NUP205: variants seen among roughly 807,000 people sequenced by gnomAD.
NUP205 encodes nuclear pore complex protein Nup205.
Under a neutral mutation model 253.8 loss-of-function variants are expected in NUP205, and 76 were observed. The ratio of observed to expected loss-of-function variants is 0.30; its 90% confidence interval spans 0.25 to 0.36. The LOEUF (loss-of-function observed/expected upper bound fraction) is 0.36, where lower values mean the gene tolerates loss of function less well. Ranked by LOEUF, NUP205 falls within the 10% of genes least tolerant of loss-of-function variation. NUP205 has a pLI of 1.00. For missense variants in NUP205, 2,162 were observed against 2,425.5 expected (o/e 0.89, Z 2.28); for synonymous variants, 832 against 850.1 (o/e 0.98, Z 0.37).
At chr7:135,646,285 G>A (rs1795008214) in intron 42 of NUP205, 54 bp downstream of exon 42, 4 of 1,237,236 alleles carry the variant, frequency 3.2e-6, no homozygotes, top group East Asian at 4.7e-5. Context: ...TAAAAGGGCT[G>A]GGTGTGATGG....
intron 1 of NUP205, among the ~76,000 whole-genome samples, chr7:135,558,810 T>A (rs1161162698): frequency 6.6e-6 from 1 of 152,238 alleles, no homozygotes; most frequent in Non-Finnish European, 1.5e-5. Flanking sequence ...ATTGAGATGC[T>A]CTGAAGTTCG....
At position 135,618,559 on chromosome 7, in the gene NUP205, C is replaced by A; in HGVS notation, c.3919C>A (p.Arg1307=). The A allele has an allele frequency of 6.2e-7, 1 of 1,611,650 alleles. No individual in the cohort carries two copies. The highest frequency in any genetic ancestry group is 8.5e-7 in the Non-Finnish European group (1 of 1,178,898). ...CPQDLIQAED[R]QLIIRDILQD... ...CCAGGACCTCATTCAGGCAGAGGAT[C>A]GACAACTGATTATTCGTGATATTTT... The change falls in exon 28 of 43, where the codon CGA becomes AGA. Residue 1307 remains arginine, a synonymous_variant. Coordinates refer to ENST00000285968, the MANE Select transcript of NUP205 (RefSeq NM_015135.3).
rs1470041059 is a variant in NUP205, at chr7:135,648,615, T to A, written c.*59T>A. The A allele has an allele frequency of 3.9e-6, 5 of 1,293,746 alleles. No homozygotes were observed. The highest frequency in any genetic ancestry group is 5.1e-6 in the Non-Finnish European group (5 of 985,714). The allele number at this position is 1,293,746 out of a possible 1,614,324, so 80.1% of individuals were successfully genotyped here. A position where few individuals can be genotyped will look rare whatever the true frequency, so the allele number is the denominator to read the frequency against. On this transcript the variant is annotated 3_prime_UTR_variant, in exon 43 of 43. Transcript: ENST00000285968. ...GAATTGGGGAGAATTGTCTCCATTTTATAGATTAGTTTCTTTCTAAATTAT... is the reference window on the plus strand; with the variant it reads ...GAATTGGGGAGAATTGTCTCCATTTAATAGATTAGTTTCTTTCTAAATTAT...
At chr7:135,562,517 T>C (rs1805614141) in intron 1 of NUP205, among the ~76,000 whole-genome samples, 1 of 150,982 alleles carries the variant, frequency 6.6e-6, no homozygotes, top group Admixed American at 6.6e-5. Context: ...TTCATTTGGC[T>C]TGATCTTTTA....
At chr7:135,582,762 TA>T (rs201662680) in intron 7 of NUP205, among the ~76,000 whole-genome samples, 5,152 of 151,694 alleles carry the variant, frequency 0.034, 117 homozygotes, top group Middle Eastern at 0.1. Flanking sequence ...ACCTGGCTGA[TA>T]ATGCAGACTT....
intron 23 of NUP205, among the ~76,000 whole-genome samples, chr7:135,615,087 T>G (rs1199601146): frequency 1.3e-5 from 2 of 152,214 alleles, no homozygotes; most frequent in Non-Finnish European, 2.9e-5. Flanking sequence ...AGAAACCCTC[T>G]TTACACCTAA....
chr7:135,598,880 C>T (rs1402278231), intron 15 of NUP205: 1 of 152,346 alleles, frequency 6.6e-6, no homozygotes, highest in African/African-American at 2.4e-5. Context: ...GATCCAAGCT[C>T]ATAGCCACTA....
chr7:135,647,101 G>A (rs771717191), intron 42 of NUP205, among the ~76,000 whole-genome samples: 1 of 152,198 alleles, frequency 6.6e-6, no homozygotes, highest in South Asian at 2.1e-4. Context: ...TGAATGAAGA[G>A]TATGCCAAAA....
chr7:135,587,766 A>G, intron 9 of NUP205, 75 bp downstream of exon 9: 7 of 1,532,378 alleles, frequency 4.6e-6, no homozygotes, highest in Non-Finnish European at 5.3e-6. Context: ...GGAAAATTTC[A>G]GGTGTAATAC....
At position 135,575,522 on chromosome 7, in the gene NUP205, C is replaced by T. The variant is rs183116440; in HGVS notation, c.344-748C>T. 2.7e-3 allele frequency among the ~76,000 whole-genome samples: 407 copies of T among 152,256 alleles called. 2 individuals are homozygous for T. Among genetic ancestry groups the T allele is most frequent in the East Asian group, 5.6e-3 (29 of 5,182 alleles). On this transcript the variant is annotated intron_variant, in intron 3 of 42. Transcript: ENST00000285968. ...AAAAAAAAAGTGAAACTTAGCCAGG[C>T]GTGGTGGCTCACACCTGTAATCCCA...
intron 38 of NUP205, among the ~76,000 whole-genome samples, chr7:135,640,482 C>T (rs539104181): frequency 2.0e-4 from 30 of 152,338 alleles, no homozygotes; most frequent in Admixed American, 6.5e-5. Flanking sequence ...AAGATTTCTT[C>T]CTGCCTTTGA....
In NUP205 at chr7:135,645,360, G is replaced by A. The variant is rs936800273; in HGVS notation, c.5684-108G>A. The A allele has an allele frequency of 4.5e-6, 5 of 1,119,658 alleles. No individual in the cohort carries two copies. In the African/African-American group the frequency reaches 7.8e-5, roughly 17 times the overall value. 69.4% of individuals were successfully genotyped at this position (1,119,658 alleles called of 1,614,324 possible). The stretch of plus-strand genomic sequence containing the variant: ...CCCTGTCTGTTAGACTGAGGCTGTG[G>A]GTACCTCATTAAGTGAGTGCAGTCT... On this transcript the variant is annotated intron_variant, in intron 40 of 42. Transcript: ENST00000285968.
At chr7:135,578,314 A>G (rs548915550) in intron 6 of NUP205, among the ~76,000 whole-genome samples, 14 of 152,338 alleles carry the variant, frequency 9.2e-5, no homozygotes, top group African/African-American at 3.1e-4. Flanking sequence ...TTTCTTTACC[A>G]TTCATTTACA....
At chr7:135,573,150 G>A (rs776358823) in intron 2 of NUP205, among the ~76,000 whole-genome samples, 9 of 151,874 alleles carry the variant, frequency 5.9e-5, no homozygotes, top group Non-Finnish European at 1.2e-4. Context: ...TAACCTTTAA[G>A]TTCCGAAACT....
intron 22 of NUP205, among the ~76,000 whole-genome samples, chr7:135,612,970 CA>C (rs1158776749): frequency 7.9e-5 from 12 of 151,982 alleles, no homozygotes; most frequent in African/African-American, 2.9e-4. Context: ...ACTGTAGTCC[CA>C]GCTACTCAGA....
intron 31 of NUP205, 89 bp downstream of exon 31, chr7:135,623,014 A>G: frequency 7.4e-7 from 1 of 1,351,586 alleles, no homozygotes; most frequent in South Asian, 1.3e-5. Context: ...GTGGTGCCTC[A>G]TGCCTGTAAT....
chr7:135,570,642 T>C (rs1185025619), intron 1 of NUP205, among the ~76,000 whole-genome samples: 1 of 133,756 alleles, frequency 7.5e-6, no homozygotes, highest in African/African-American at 2.8e-5. Context: ...ATTTATATAA[T>C]TAGCAATCAT....
chr7:135,571,857 A>G (rs1806006473), intron 2 of NUP205, among the ~76,000 whole-genome samples: 1 of 152,108 alleles, frequency 6.6e-6, no homozygotes, highest in African/African-American at 2.4e-5. Flanking sequence ...CCAGTGATTC[A>G]ATGATTTTCT....
intron 23 of NUP205, among the ~76,000 whole-genome samples, chr7:135,614,783 A>G (rs1480137641): frequency 2.6e-5 from 4 of 152,114 alleles, no homozygotes; most frequent in Admixed American, 1.3e-4. Context: ...TCGAGATTCT[A>G]CTTTATTTTC....
Sources: allele counts gnomAD v4.1 joint callset (sites outside exome capture counted in the v4.1 genomes callset), GRCh38; gene constraint gnomAD v4.1.1; transcripts MANE v1.5; gene names NCBI Gene and HGNC (gene_info 2026-07-23, HGNC 2026-07-21).